The following TENM2 variants were observed in gnomAD, a reference collection of about 807,000 sequenced individuals.
TENM2 encodes teneurin transmembrane protein 2, also known as teneurin-2.
TENM2 carries 52 observed loss-of-function variants against 245.2 expected under a neutral mutation model. The observed-to-expected ratio is 0.21, with a 90% CI of 0.17 to 0.27. The LOEUF (loss-of-function observed/expected upper bound fraction) is 0.27. TENM2 is among the 10% of genes least tolerant of loss of function. TENM2 has a pLI of 1.00. For missense variants in TENM2, 3,046 were observed against 3,666.8 expected (o/e 0.83, Z 4.37); for synonymous variants, 1,363 against 1,438.9 (o/e 0.95, Z 1.19).
At chr5:167,441,712 T>G (rs906351120) in intron 2 of TENM2, among the ~76,000 whole-genome samples, 2 of 152,222 alleles carry the variant, frequency 1.3e-5, no homozygotes, top group African/African-American at 4.8e-5. Flanking sequence ...ACCTCCCGCT[T>G]TCATACGTAT....
chr5:167,981,802 C>T (rs755439064), intron 4 of TENM2, among the ~76,000 whole-genome samples: 77 of 152,104 alleles, frequency 5.1e-4, no homozygotes, highest in Non-Finnish European at 9.1e-4. Flanking sequence ...GGCAAAACTT[C>T]GTCTCTACTA....
In TENM2 at chr5:167,501,120, T is replaced by C. The variant is rs10475847; in HGVS notation, c.502+125647T>C. ...CACAAATACTTTCTTTCTTGAAACA[T>C]GCTGCTTTCTTCCATTCGCAGATGC... On this transcript the variant is annotated intron_variant, in intron 2 of 28. Transcript: ENST00000518659. Among the ~76,000 whole-genome samples the C allele has an allele frequency of 9.2e-3, 1,407 of 152,304 alleles. 24 individuals are homozygous for C. The highest frequency in any genetic ancestry group is 0.032 in the African/African-American group (1,335 of 41,586).
At chr5:167,762,345 G>T (rs571712193) in intron 2 of TENM2, among the ~76,000 whole-genome samples, 2 of 152,144 alleles carry the variant, frequency 1.3e-5, no homozygotes, top group Admixed American at 1.3e-4. Context: ...TTTCAACTGC[G>T]TAAAGCATCA....
chr5:167,060,239 T>C, the TENM2 span, among the ~76,000 whole-genome samples: 5 of 152,156 alleles, frequency 3.3e-5, no homozygotes, highest in Non-Finnish European at 5.9e-5. Flanking sequence ...CTCTGCCTTG[T>C]AAAGTGTATC....
chr5:167,093,754 G>A, the TENM2 span, among the ~76,000 whole-genome samples: 1 of 152,182 alleles, frequency 6.6e-6, no homozygotes, highest in Admixed American at 6.5e-5. Flanking sequence ...CAGAACAGAA[G>A]GAAGAGGATT....
At position 167,484,663 on chromosome 5, in the gene TENM2, G is replaced by T. The variant is rs1054172072; in HGVS notation, c.502+109190G>T. On this transcript the variant is annotated intron_variant, in intron 2 of 28. Transcript: ENST00000518659. ...AGTTCGTACAGTGTCTTACAACAAT[G>T]AACTACATTAAAACACACTAAAGAA... Among the ~76,000 whole-genome samples the T allele has an allele frequency of 2.0e-5, 3 of 152,126 alleles. No individual in the cohort carries two copies. In the South Asian group the frequency reaches 6.2e-4, roughly 32 times the overall value.
chr5:167,838,853 T>G (rs1296497726), intron 2 of TENM2, among the ~76,000 whole-genome samples: 1 of 152,212 alleles, frequency 6.6e-6, no homozygotes, highest in Non-Finnish European at 1.5e-5. Context: ...GCTTAAATAA[T>G]GAATGAGGAC....
the TENM2 span, among the ~76,000 whole-genome samples, chr5:167,160,546 G>T: frequency 7.9e-5 from 12 of 152,208 alleles, no homozygotes; most frequent in African/African-American, 1.9e-4. Flanking sequence ...CCACTCTCTG[G>T]AATACTTCGC....
intron 1 of TENM2, among the ~76,000 whole-genome samples, chr5:167,352,059 C>G (rs1758953807): frequency 6.6e-6 from 1 of 152,038 alleles, no homozygotes; most frequent in East Asian, 1.9e-4. Flanking sequence ...TTGGACTGTC[C>G]TTTTTCAAAT....
chr5:167,728,286 T>C (rs1413539345), intron 2 of TENM2, among the ~76,000 whole-genome samples: 1 of 152,014 alleles, frequency 6.6e-6, no homozygotes, highest in Non-Finnish European at 1.5e-5. Context: ...CACACAAGTA[T>C]TAGATAAGTC....
At chr5:167,567,362 A>G (rs987561691) in intron 2 of TENM2, among the ~76,000 whole-genome samples, 1 of 152,124 alleles carries the variant, frequency 6.6e-6, no homozygotes, top group African/African-American at 2.4e-5. Context: ...TCCAAGGTAA[A>G]AGGCTTATTA....
the TENM2 span, among the ~76,000 whole-genome samples, chr5:167,181,016 A>G: frequency 3.1e-4 from 47 of 152,146 alleles, no homozygotes; most frequent in South Asian, 9.1e-3. Flanking sequence ...TCAAACCTGC[A>G]TTGTTCAAGG....
chr5:167,629,841 T>G (rs1778747706), intron 2 of TENM2, among the ~76,000 whole-genome samples: 1 of 151,930 alleles, frequency 6.6e-6, no homozygotes, highest in South Asian at 2.1e-4. Context: ...CACTGCTTGT[T>G]GTATCTTGTT....
intron 2 of TENM2, among the ~76,000 whole-genome samples, chr5:167,598,810 A>G (rs1003852491): frequency 1.3e-5 from 2 of 152,100 alleles, no homozygotes; most frequent in Non-Finnish European, 2.9e-5. Context: ...TTATCAAAGT[A>G]AAGGGGAAAA....
chr5:168,227,921 T>C, exon 25 of TENM2: 2 of 1,609,516 alleles, frequency 1.2e-6, no homozygotes, highest in Non-Finnish European at 1.7e-6. Context: ...CTACCAGCTC[T>C]GTAATAATGG....
chr5:167,977,690 G>A (rs142946298), intron 4 of TENM2, among the ~76,000 whole-genome samples: 3 of 152,296 alleles, frequency 2.0e-5, no homozygotes, highest in African/African-American at 7.2e-5. Flanking sequence ...ATATGGATAG[G>A]ATGCAGAGAG....
intron 4 of TENM2, among the ~76,000 whole-genome samples, chr5:167,973,418 C>T (rs577514103): frequency 1.8e-4 from 27 of 152,328 alleles, no homozygotes; most frequent in East Asian, 3.9e-4. Context: ...GGGCCCAACA[C>T]GCAGCTGAGC....
intron 6 of TENM2, among the ~76,000 whole-genome samples, chr5:168,051,266 G>A (rs905132088): frequency 6.6e-6 from 1 of 152,106 alleles, no homozygotes; most frequent in Admixed American, 6.6e-5. Context: ...TATATCAGGG[G>A]TCAGCAAACT....
At chr5:166,982,050 G>A in the TENM2 span, among the ~76,000 whole-genome samples, 1 of 152,202 alleles carries the variant, frequency 6.6e-6, no homozygotes. Context: ...TTGATTTCAG[G>A]TTAATGTATG....
Sources: gnomAD v4.1 joint callset for allele counts (sites outside exome capture counted in the v4.1 genomes callset) on GRCh38, gnomAD v4.1.1 for gene constraint, MANE v1.5 for transcripts, NCBI Gene and HGNC (gene_info 2026-07-23, HGNC 2026-07-21) for gene names.